GLS2: variants seen among roughly 807,000 people sequenced by gnomAD.
GLS2 encodes glutaminase 2.
GLS2 carries 52 observed loss-of-function variants against 79.0 expected under a neutral mutation model. The ratio of observed to expected loss-of-function variants is 0.66; its 90% confidence interval spans 0.53 to 0.83. The LOEUF is 0.83. Ranked by LOEUF, GLS2 falls within the 40% of genes least tolerant of loss-of-function variation. The pLI, the probability that GLS2 is intolerant of heterozygous loss-of-function variation, is 0.00. For missense variants in GLS2, 561 were observed against 764.8 expected (o/e 0.73, Z 3.14); for synonymous variants, 238 against 280.8 (o/e 0.85, Z 1.52).
chr12:56,474,890 G>GAAA lies in GLS2; in HGVS notation c.1000_1002dup (p.Phe334dup). 1 of 1,614,122 alleles carries GAAA rather than the reference G, an allele frequency of 6.2e-7. No homozygotes were observed. Among genetic ancestry groups the GAAA allele is most frequent in the African/African-American group, 1.3e-5 (1 of 75,032 alleles). On this transcript the variant is annotated inframe_insertion, in exon 11 of 18. Transcript: ENST00000311966. ...GCAGCCATCATGTCCACCCCCTTAG[G>GAAA]AAAGCACTGCAAGGAAGAGAGGGGA...
chr12:56,472,251 G>A (rs549204905), intron 15 of GLS2, 56 bp from the exon 16 acceptor site: 1 of 1,508,002 alleles, frequency 6.6e-7, no homozygotes, highest in South Asian at 1.1e-5. Flanking sequence ...AATCACAGGT[G>A]TTCTTTGTGA....
intron 15 of GLS2, 101 bp from the exon 16 acceptor site, chr12:56,472,296 G>GA (rs1222805319): frequency 3.3e-5 from 35 of 1,059,338 alleles, no homozygotes; most frequent in Non-Finnish European, 4.5e-5. Context: ...CAGAGAAAGT[G>GA]AAACAGCCTA....
rs887088224 is a variant in GLS2 at position 56,477,877 on chromosome 12, G to A, written c.778+56C>T. ...AACAAAAAAGGCTGGGAGATGGGGT[G>A]GGGATAAGGAGAAGGGGACAGCTGT... On this transcript the variant is annotated intron_variant, in intron 6 of 17. Coordinates refer to ENST00000311966, the MANE Select transcript of GLS2 (RefSeq NM_013267.4). 3.8e-6 allele frequency: 6 copies of A among 1,572,964 alleles called. No homozygotes were observed. In the African/African-American group the frequency reaches 4.1e-5, roughly 11 times the overall value.
chr12:56,476,061 G>T, intron 7 of GLS2, 84 bp from the exon 8 acceptor site: 2 of 1,346,208 alleles, frequency 1.5e-6, no homozygotes, highest in Non-Finnish European at 1.1e-6. Flanking sequence ...TGGAGTTCTA[G>T]TGTTAGTCTG....
In GLS2 at chr12:56,477,984, C is replaced by G; in HGVS notation, c.727G>C (p.Gly243Arg). The change falls in exon 6 of 18, where the codon GGC (glycine) becomes CGC (arginine). Residue 243 changes from glycine (G) to arginine (R), a missense_variant. Physicochemically the swap from Gly to Arg is moderately radical, Grantham distance 125. Coordinates refer to ENST00000311966, the MANE Select transcript of GLS2 (RefSeq NM_013267.4). ...LGTDYVHKFV[G>R]KEPSGLRYNK... is the part of the protein sequence containing the mutation. ...TAGCGCAGGCCACTTGGCTCTTTGC[C>G]CACAAACTTGTGCACGTAGTCAGTG... 6.2e-7 allele frequency: 1 copy of G among 1,614,204 alleles called. No individual in the cohort carries two copies. The highest frequency in any genetic ancestry group is 8.5e-7 in the Non-Finnish European group (1 of 1,180,040).
chr12:56,475,722 A>C, intron 8 of GLS2, 40 bp from the exon 9 acceptor site: 1 of 1,608,172 alleles, frequency 6.2e-7, no homozygotes, highest in Non-Finnish European at 8.5e-7. Context: ...CACTTGGTTA[A>C]GAAGCTCTAT....
intron 8 of GLS2, 109 bp downstream of exon 8, chr12:56,475,836 G>T (rs1318113851): frequency 1.4e-5 from 20 of 1,409,010 alleles, no homozygotes; most frequent in East Asian, 1.1e-4. Context: ...AAGGCTTCTA[G>T]TATGGGCTGG....
At chr12:56,478,548 C>G (rs1032478082) in intron 4 of GLS2, 2 of 414,930 alleles carry the variant, frequency 4.8e-6, no homozygotes, top group Admixed American at 7.7e-5. Flanking sequence ...CTCAGTTACC[C>G]TATAAATCCC....
At chr12:56,477,633 C>G (rs747171977) in intron 7 of GLS2, 27 bp downstream of exon 7, 85 of 1,604,786 alleles carry the variant, frequency 5.3e-5, no homozygotes, top group Non-Finnish European at 7.1e-5. Flanking sequence ...AGGATAATAC[C>G]TATCAGAAGG....
intron 11 of GLS2, 26 bp downstream of exon 11, chr12:56,474,820 C>T: frequency 6.2e-7 from 1 of 1,614,052 alleles, no homozygotes; most frequent in Non-Finnish European, 8.5e-7. Context: ...GTCCTGTTCC[C>T]TCGGCCCTGA....
chr12:56,472,381 G>T, intron 15 of GLS2, 186 bp from the exon 16 acceptor site: 1 of 617,046 alleles, frequency 1.6e-6, no homozygotes, highest in Non-Finnish European at 2.8e-6. Context: ...TTAGAGAGAT[G>T]GGAATGTGAT....
chr12:56,481,622 G>A (rs910864715), intron 1 of GLS2, among the ~76,000 whole-genome samples: 1 of 150,832 alleles, frequency 6.6e-6, no homozygotes, highest in Non-Finnish European at 1.5e-5. Context: ...TGGGCATGGT[G>A]ACTCACACCT....
At position 56,474,946 on chromosome 12, in the gene GLS2, C is replaced by T. The variant is rs1199193709; in HGVS notation, c.997-50G>A. The T allele has an allele frequency of 3.7e-6, 6 of 1,613,798 alleles. No homozygotes were observed. The African/African-American group carries it at 8.0e-5, about 22-fold the overall frequency. On this transcript the variant is annotated intron_variant, in intron 10 of 17. Transcript: ENST00000311966. ...TTTCTCTTCAGGACATCAGCCCTTT[C>T]ACACTGTCAGGGTCTCAGCTGAAGC...
chr12:56,472,367 C>T (rs770188028), intron 15 of GLS2, 172 bp from the exon 16 acceptor site: 186 of 623,866 alleles, frequency 3.0e-4, no homozygotes, highest in Non-Finnish European at 4.7e-4. Flanking sequence ...CTGTTATACT[C>T]ATATTAGAGA....
At chr12:56,471,709 T>G in intron 17 of GLS2, 64 bp downstream of exon 17, 1 of 1,611,898 alleles carries the variant, frequency 6.2e-7, no homozygotes, top group South Asian at 1.1e-5. Flanking sequence ...TATATTTGCA[T>G]GGTGGCTGGA....
chr12:56,482,159 A>G (rs1245891764), intron 1 of GLS2, among the ~76,000 whole-genome samples: 1 of 152,118 alleles, frequency 6.6e-6, no homozygotes, highest in Non-Finnish European at 1.5e-5. Flanking sequence ...TGAGCCTGGG[A>G]GGTGGAGGTT....
At chr12:56,487,679 G>T in intron 1 of GLS2, 1 of 532,850 alleles carries the variant, frequency 1.9e-6, no homozygotes, top group African/African-American at 2.0e-5. Context: ...GCGCATCTGT[G>T]ATCCGGGTTA....
intron 4 of GLS2, 82 bp from the exon 5 acceptor site, chr12:56,478,344 T>C: frequency 2.1e-6 from 3 of 1,446,772 alleles, no homozygotes; most frequent in South Asian, 1.2e-5. Context: ...GAGAATCTTT[T>C]AGATAAAAGC....
At position 56,477,469 on chromosome 12, in the gene GLS2, G is replaced by A. The variant is rs1200357084; in HGVS notation, c.837+191C>T. The A allele has an allele frequency of 9.0e-6, 5 of 554,240 alleles. No homozygotes were observed. The South Asian group carries it at 9.6e-5, about 11-fold the overall frequency. 34.3% of individuals were successfully genotyped at this position (554,240 alleles called of 1,614,324 possible). ...ACAGTACTGAGTGGGGATGACGGAG[G>A]TGGTGCAGTCTCTTATACTGACATT... On this transcript the variant is annotated intron_variant, in intron 7 of 17. Coordinates refer to ENST00000311966, the MANE Select transcript of GLS2 (RefSeq NM_013267.4).
Sources: allele counts gnomAD v4.1 joint callset (sites outside exome capture counted in the v4.1 genomes callset), GRCh38; gene constraint gnomAD v4.1.1; transcripts MANE v1.5; gene names NCBI Gene and HGNC (gene_info 2026-07-23, HGNC 2026-07-21).